PPP2R3A: variants seen among roughly 807,000 people sequenced by gnomAD.
PPP2R3A encodes serine/threonine-protein phosphatase 2A regulatory subunit B'' subunit alpha.
Under a neutral mutation model 106.9 loss-of-function variants are expected in PPP2R3A, and 80 were observed. The observed-to-expected ratio is 0.75, with a 90% CI of 0.62 to 0.90. The LOEUF (loss-of-function observed/expected upper bound fraction) is 0.90. Ranked by LOEUF, PPP2R3A falls within the 40% of genes least tolerant of loss-of-function variation. PPP2R3A has a pLI of 0.00. For synonymous variants in PPP2R3A, 483 were observed against 468.3 expected, an observed-to-expected ratio of 1.03 and a Z score of -0.41; for missense variants, 1,386 against 1,350.4, an observed-to-expected ratio of 1.03 and a Z score of -0.41.
At chr3:136,130,306 A>G (rs1263673593) in intron 13 of PPP2R3A, among the ~76,000 whole-genome samples, 1 of 152,230 alleles carries the variant, frequency 6.6e-6, no homozygotes. Flanking sequence ...CTGATAAGCA[A>G]CTTCAGCAAA....
intron 1 of PPP2R3A, among the ~76,000 whole-genome samples, chr3:135,976,834 T>G (rs1316208788): frequency 6.6e-6 from 1 of 152,166 alleles, no homozygotes; most frequent in African/African-American, 2.4e-5. Context: ...TTTAAGTTCA[T>G]CTGAAATTTA....
At chr3:136,127,620 C>A (rs1479745287) in intron 13 of PPP2R3A, among the ~76,000 whole-genome samples, 1 of 152,106 alleles carries the variant, frequency 6.6e-6, no homozygotes, top group Non-Finnish European at 1.5e-5. Flanking sequence ...TTTCCCCAAC[C>A]AAGCAAGGCA....
chr3:136,138,410 T>A (rs1020742328), intron 13 of PPP2R3A, among the ~76,000 whole-genome samples: 1 of 152,206 alleles, frequency 6.6e-6, no homozygotes, highest in African/African-American at 2.4e-5. Flanking sequence ...TCTGAAGAAC[T>A]GCAAGAGTTC....
intron 1 of PPP2R3A, 87 bp from the exon 2 acceptor site, chr3:136,000,972 G>A (rs1933602199): frequency 2.6e-6 from 1 of 390,430 alleles, no homozygotes; most frequent in Non-Finnish European, 4.5e-6. Flanking sequence ...AAGCGTGGTG[G>A]TTAACTGCAA....
At chr3:136,056,535 C>T (rs1935866987) in intron 5 of PPP2R3A, among the ~76,000 whole-genome samples, 1 of 151,442 alleles carries the variant, frequency 6.6e-6, no homozygotes, top group Non-Finnish European at 1.5e-5. Context: ...AGGTTATATA[C>T]AATAAGAACC....
chr3:136,002,345 A>G lies in PPP2R3A; in HGVS notation c.847A>G (p.Thr283Ala). The G allele has an allele frequency of 1.2e-6, 2 of 1,613,882 alleles. No individual in the cohort carries two copies. Among genetic ancestry groups the G allele is most frequent in the Middle Eastern group, 1.6e-4 (1 of 6,062 alleles). ...TGAAACTGTCTATATGAATGTAATG[A>G]CCAGGTTAGCATCCTATCTGAAAAA... ...SSETVYMNVM[T>A]RLASYLKKLP... is the part of the protein sequence containing the mutation. The change falls in exon 2 of 14, where the codon ACC (threonine) becomes GCC (alanine). Residue 283 changes from threonine to alanine, a missense_variant. Coordinates refer to ENST00000264977, the MANE Select transcript of PPP2R3A (RefSeq NM_002718.5).
chr3:136,104,328 C>G (rs993201433), intron 12 of PPP2R3A, among the ~76,000 whole-genome samples: 2 of 145,508 alleles, frequency 1.4e-5, no homozygotes, highest in African/African-American at 2.7e-5. Context: ...GTGTGTGTGA[C>G]AGAGTTTCGC....
At chr3:136,018,851 A>C (rs1934368087) in intron 2 of PPP2R3A, among the ~76,000 whole-genome samples, 1 of 152,148 alleles carries the variant, frequency 6.6e-6, no homozygotes, top group African/African-American at 2.4e-5. Flanking sequence ...AGCCTATCCT[A>C]CCCGGTTCTT....
At chr3:136,134,179 CAT>C (rs1397872593) in intron 13 of PPP2R3A, among the ~76,000 whole-genome samples, 1 of 152,150 alleles carries the variant, frequency 6.6e-6, no homozygotes, top group African/African-American at 2.4e-5. Context: ...ACTGCTGTCT[CAT>C]AGAAGAAACA....
intron 2 of PPP2R3A, among the ~76,000 whole-genome samples, chr3:136,025,971 G>A (rs1332419687): frequency 6.6e-6 from 1 of 152,060 alleles, no homozygotes; most frequent in African/African-American, 2.4e-5. Flanking sequence ...CTGAATAATG[G>A]TGTACCTCCC....
chr3:136,121,341 C>T (rs1450885909), intron 13 of PPP2R3A, among the ~76,000 whole-genome samples: 1 of 152,084 alleles, frequency 6.6e-6, no homozygotes, highest in Non-Finnish European at 1.5e-5. Flanking sequence ...AACAGAAAAC[C>T]AAATACCTTA....
chr3:136,095,003 C>A lies in PPP2R3A; in HGVS notation c.2927+4336C>A, dbSNP rs146039897. Among the ~76,000 whole-genome samples, 228 of 152,288 alleles carry A rather than the reference C, an allele frequency of 1.5e-3. 1 individual carries two copies. Among genetic ancestry groups the A allele is most frequent in the Non-Finnish European group, 2.7e-3 (183 of 68,028 alleles). ...GCTTAGTTCCTCAAACTTTCAGGTCCCTCTTCCAGAATCTGCAGATGCCCC... is the reference window on the plus strand; with the variant it reads ...GCTTAGTTCCTCAAACTTTCAGGTCACTCTTCCAGAATCTGCAGATGCCCC... On this transcript the variant is annotated intron_variant, in intron 10 of 13. Coordinates refer to ENST00000264977, the MANE Select transcript of PPP2R3A (RefSeq NM_002718.5).
At chr3:136,056,534 A>G (rs1418928773) in intron 5 of PPP2R3A, among the ~76,000 whole-genome samples, 1 of 152,162 alleles carries the variant, frequency 6.6e-6, no homozygotes, top group East Asian at 1.9e-4. Context: ...AAGGTTATAT[A>G]CAATAAGAAC....
intron 1 of PPP2R3A, among the ~76,000 whole-genome samples, chr3:135,988,497 C>T (rs1933021084): frequency 6.6e-6 from 1 of 152,058 alleles, no homozygotes; most frequent in Admixed American, 6.6e-5. Flanking sequence ...TCCTAACAGC[C>T]AGAATGATTT....
At chr3:136,053,391 AAGT>A (rs1935749054) in intron 5 of PPP2R3A, among the ~76,000 whole-genome samples, 1 of 152,314 alleles carries the variant, frequency 6.6e-6, no homozygotes, top group East Asian at 1.9e-4. Flanking sequence ...AAGTGACCAG[AAGT>A]AGGCTAAGAA....
rs759477812 is a variant in PPP2R3A, at chr3:136,106,331, G to A, written c.3329+9G>A. 2.5e-6 allele frequency: 4 copies of A among 1,607,972 alleles called. No individual in the cohort carries two copies. The highest frequency in any genetic ancestry group is 3.4e-6 in the Non-Finnish European group (4 of 1,174,678). ...GCACAATTCCAGGAAGGGTGAGTAAGTTTCCCTATGTCTTATAGAATTTTT... is the reference window on the plus strand; with the variant it reads ...GCACAATTCCAGGAAGGGTGAGTAAATTTCCCTATGTCTTATAGAATTTTT... On this transcript the variant is annotated intron_variant, in intron 13 of 13. Coordinates refer to ENST00000264977, the MANE Select transcript of PPP2R3A (RefSeq NM_002718.5).
chr3:136,139,965 C>CT (rs1424418754), intron 13 of PPP2R3A, among the ~76,000 whole-genome samples: 1 of 147,664 alleles, frequency 6.8e-6, no homozygotes, highest in Non-Finnish European at 1.5e-5. Flanking sequence ...GAGATAGTGC[C>CT]ACTGCACTCC....
At chr3:136,054,253 C>CTTTTTTT (rs35801926) in intron 5 of PPP2R3A, among the ~76,000 whole-genome samples, 50 of 80,736 alleles carry the variant, frequency 6.2e-4, no homozygotes, top group East Asian at 1.9e-3. Context: ...CTTCACAATT[C>CTTTTTTT]TTTTTTTTTT....
intron 8 of PPP2R3A, among the ~76,000 whole-genome samples, 186 bp downstream of exon 8, chr3:136,082,607 G>A (rs1404113920): frequency 2.0e-5 from 3 of 152,216 alleles, no homozygotes; most frequent in Non-Finnish European, 2.9e-5. Context: ...TAAAAGGCCA[G>A]ATGTAGGAGA....
Sources: allele counts gnomAD v4.1 joint callset (sites outside exome capture counted in the v4.1 genomes callset), GRCh38; gene constraint gnomAD v4.1.1; transcripts MANE v1.5; gene names NCBI Gene and HGNC (gene_info 2026-07-23, HGNC 2026-07-21).